CNTRL: variants seen among roughly 807,000 people sequenced by gnomAD.
The protein encoded by CNTRL is 110 kDa centrosomal protein.
A neutral mutation model predicts 303.7 loss-of-function variants in CNTRL; 233 were observed. That is an observed-to-expected ratio of 0.77 (90% CI 0.69 to 0.86). The LOEUF (loss-of-function observed/expected upper bound fraction) is 0.86, where lower values mean the gene tolerates loss of function less well. Among genes scored for constraint, CNTRL ranks in the 40% least tolerant of loss-of-function variants. The pLI, the probability that CNTRL is intolerant of heterozygous loss-of-function variation, is 0.00. For synonymous variants in CNTRL, 900 were observed against 922.2 expected, an observed-to-expected ratio of 0.98 and a Z score of 0.44; for missense variants, 2,524 against 2,650.6, an observed-to-expected ratio of 0.95 and a Z score of 1.05.
chr9:121,126,700 T>C, intron 14 of CNTRL, among the ~76,000 whole-genome samples: 1 of 152,214 alleles, frequency 6.6e-6, no homozygotes, highest in East Asian at 1.9e-4. Context: ...TTTTATTATA[T>C]ATGTAAACAT....
At chr9:121,129,541 C>T (rs970312158) in intron 14 of CNTRL, among the ~76,000 whole-genome samples, 12 of 152,160 alleles carry the variant, frequency 7.9e-5, no homozygotes, top group East Asian at 1.9e-4. Context: ...TTGGCTGAGA[C>T]GATGGGGTTT....
At chr9:121,090,909 A>G (rs2048542020) in intron 4 of CNTRL, among the ~76,000 whole-genome samples, 1 of 152,182 alleles carries the variant, frequency 6.6e-6, no homozygotes. Flanking sequence ...GTGGCTGGGG[A>G]AGCCTCACAA....
intron 8 of CNTRL, among the ~76,000 whole-genome samples, chr9:121,109,441 CCTT>C (rs1291865808): frequency 2.0e-5 from 3 of 152,012 alleles, no homozygotes; most frequent in Non-Finnish European, 4.4e-5. Context: ...ATGTATAAAG[CCTT>C]CTTACTCTTT....
chr9:121,129,564 A>G (rs957387508), intron 14 of CNTRL, among the ~76,000 whole-genome samples: 1 of 152,212 alleles, frequency 6.6e-6, no homozygotes, highest in East Asian at 1.9e-4. Flanking sequence ...TAAATATACA[A>G]TCATGTCATC....
chr9:121,153,877 G>A (rs748706955), intron 26 of CNTRL, among the ~76,000 whole-genome samples: 3 of 152,156 alleles, frequency 2.0e-5, no homozygotes, highest in Non-Finnish European at 4.4e-5. Context: ...GAAAGCAAGG[G>A]CCACACCTAA....
chr9:121,080,079 A>G (rs1031185184), intron 1 of CNTRL, among the ~76,000 whole-genome samples: 15 of 152,342 alleles, frequency 9.8e-5, no homozygotes, highest in Non-Finnish European at 1.6e-4. Flanking sequence ...CAGGAAACTC[A>G]GATAGCTATA....
At chr9:121,131,156 G>T (rs991543626) in intron 14 of CNTRL, among the ~76,000 whole-genome samples, 1 of 152,204 alleles carries the variant, frequency 6.6e-6, no homozygotes, top group African/African-American at 2.4e-5. Context: ...TCTGCTTGGT[G>T]CAGAGCTGAG....
intron 6 of CNTRL, among the ~76,000 whole-genome samples, chr9:121,097,405 T>C (rs2048935700): frequency 2.0e-5 from 3 of 152,166 alleles, no homozygotes; most frequent in Non-Finnish European, 4.4e-5. Context: ...AGGGGTATTA[T>C]GGGGGCTCAG....
At chr9:121,146,401 A>G in intron 23 of CNTRL, 145 bp downstream of exon 23, 1 of 815,108 alleles carries the variant, frequency 1.2e-6, no homozygotes, top group Non-Finnish European at 1.8e-6. Context: ...CGTTTTTAAT[A>G]TTTGAGATGA....
chr9:121,171,251 TC>T (rs1400177215), intron 39 of CNTRL, 156 bp from the exon 40 acceptor site: 1 of 751,526 alleles, frequency 1.3e-6, no homozygotes, highest in African/African-American at 1.7e-5. Flanking sequence ...CTGTATTTGA[TC>T]TGCCCATGAA....
rs267602112 is a variant in CNTRL, at chr9:121,141,572, G to A, written c.2675G>A (p.Arg892Lys). 3 of 1,614,036 alleles carry A rather than the reference G, an allele frequency of 1.9e-6. No individual in the cohort carries two copies. In the Admixed American group the frequency reaches 5.0e-5, roughly 27 times the overall value. Residue 892 changes from arginine to lysine, a missense_variant, in exon 18 of 44, where the codon AGA becomes AAA. Coordinates refer to ENST00000373855, the MANE Select transcript of CNTRL (RefSeq NM_007018.6). ...GQEEFRQACE[R>K]ALEARMNFDK... is the part of the protein sequence containing the mutation. ...GAAGAGTTCAGGCAGGCCTGTGAGA[G>A]AGCCCTGGAAGCAAGAGTAAGACAA... is the stretch of plus-strand genomic sequence containing the variant.
intron 2 of CNTRL, among the ~76,000 whole-genome samples, chr9:121,084,689 C>T (rs1390923746): frequency 2.6e-5 from 4 of 152,094 alleles, no homozygotes; most frequent in African/African-American, 4.8e-5. Flanking sequence ...GGATTCCTGG[C>T]GCTTGCCACC....
chr9:121,157,682 G>T, intron 28 of CNTRL, 58 bp from the exon 29 acceptor site: 1 of 1,606,412 alleles, frequency 6.2e-7, no homozygotes, highest in South Asian at 1.1e-5. Flanking sequence ...ATTGGTTTAT[G>T]ATAAATAATG....
At chr9:121,126,830 T>G (rs1315270875) in intron 14 of CNTRL, among the ~76,000 whole-genome samples, 1 of 28,966 alleles carries the variant, frequency 3.5e-5, no homozygotes, top group Non-Finnish European at 1.4e-4. Flanking sequence ...TTTGTTTTGG[T>G]TTTTTTTTGA....
chr9:121,139,882 G>A (rs371997445), intron 16 of CNTRL, among the ~76,000 whole-genome samples: 67 of 152,294 alleles, frequency 4.4e-4, no homozygotes, highest in Admixed American at 1.2e-3. Context: ...TCTTCAGGGG[G>A]CTTCTCCAAA....
In CNTRL at chr9:121,150,207, G is replaced by A; in HGVS notation, c.3687G>A (p.Glu1229=). 1.2e-6 allele frequency: 2 copies of A among 1,613,858 alleles called. No individual in the cohort carries two copies. Residue 1229 remains glutamate (E), a synonymous_variant, in exon 25 of 44, where the codon GAG becomes GAA. Coordinates refer to ENST00000373855, the MANE Select transcript of CNTRL (RefSeq NM_007018.6). ...DSGGDSQEES[E]LDDQEEPPFV... is the part of the protein sequence containing the mutation. Reference sequence around the variant, plus strand: ...GAGGAGATAGTCAGGAAGAGAGTGAGCTGGATGACCAAGAAGAACCCCCAT... The same window carrying A: ...GAGGAGATAGTCAGGAAGAGAGTGAACTGGATGACCAAGAAGAACCCCCAT...
Position 121,141,578 on chromosome 9 carries a change from T to C in CNTRL, c.2681T>C (p.Leu894Pro), listed in dbSNP as rs369234150. The change falls in exon 18 of 44, where the codon CTG becomes CCG. Residue 894 changes from leucine (L) to proline (P), a missense_variant. Coordinates refer to ENST00000373855, the MANE Select transcript of CNTRL (RefSeq NM_007018.6). Reference protein sequence around the residue: ...EEFRQACERALEARMNFDKRQ... With the variant: ...EEFRQACERAPEARMNFDKRQ... Reference sequence around the variant, plus strand: ...TTCAGGCAGGCCTGTGAGAGAGCCCTGGAAGCAAGAGTAAGACAAGGGCAA... The same window carrying C: ...TTCAGGCAGGCCTGTGAGAGAGCCCCGGAAGCAAGAGTAAGACAAGGGCAA... The C allele has an allele frequency of 1.5e-4, 246 of 1,613,846 alleles. No homozygotes were observed. The highest frequency in any genetic ancestry group is 1.9e-4 in the Non-Finnish European group (227 of 1,179,958).
chr9:121,157,384 C>T, intron 27 of CNTRL, 86 bp from the exon 28 acceptor site: 5 of 1,355,112 alleles, frequency 3.7e-6, no homozygotes, highest in South Asian at 1.6e-5. Flanking sequence ...ATCTTGTTTT[C>T]CAAAAGAGCT....
intron 38 of CNTRL, 45 bp downstream of exon 38, chr9:121,168,366 G>A (rs772104226): frequency 6.5e-7 from 1 of 1,548,880 alleles, no homozygotes; most frequent in Non-Finnish European, 8.9e-7. Flanking sequence ...GTATGGATTG[G>A]CTCTGCTGGT....
Sources: gnomAD v4.1 joint callset for allele counts (sites outside exome capture counted in the v4.1 genomes callset) on GRCh38, gnomAD v4.1.1 for gene constraint, MANE v1.5 for transcripts, NCBI Gene and HGNC (gene_info 2026-07-23, HGNC 2026-07-21) for gene names.